MYO3B: variants seen among roughly 807,000 people sequenced by gnomAD.
The protein encoded by MYO3B is myosin-IIIb.
In MYO3B, 156 loss-of-function variants were observed where a neutral mutation model predicts 174.6. The ratio of observed to expected loss-of-function variants is 0.89; its 90% CI spans 0.78 to 1.02. The LOEUF is 1.02. MYO3B is among the 50% of genes least tolerant of loss of function. MYO3B has a pLI of 0.00. For missense variants in MYO3B, 1,632 were observed against 1,639.4 expected (o/e 1.00, Z 0.08); for synonymous variants, 563 against 569.1 (o/e 0.99, Z 0.15).
chr2:170,557,136 A>ATT (rs1449970557), intron 32 of MYO3B, among the ~76,000 whole-genome samples: 2 of 63,732 alleles, frequency 3.1e-5, no homozygotes, highest in African/African-American at 1.2e-4. Flanking sequence ...AGGGTTTTTT[A>ATT]TTTTTATTTT....
At chr2:170,571,164 G>A (rs1165095459) in intron 32 of MYO3B, among the ~76,000 whole-genome samples, 2 of 152,134 alleles carry the variant, frequency 1.3e-5, no homozygotes, top group African/African-American at 4.8e-5. Flanking sequence ...AGCAACTAAA[G>A]GATTTATTCA....
chr2:170,597,447 C>T (rs1482353567), intron 32 of MYO3B, among the ~76,000 whole-genome samples: 2 of 151,846 alleles, frequency 1.3e-5, no homozygotes, highest in Non-Finnish European at 2.9e-5. Flanking sequence ...AAGCAAGGAG[C>T]TGTGGAGGTT....
intron 23 of MYO3B, among the ~76,000 whole-genome samples, chr2:170,453,468 GAA>G (rs1683728425): frequency 6.9e-6 from 1 of 145,148 alleles, no homozygotes; most frequent in Non-Finnish European, 1.5e-5. Flanking sequence ...GAGAGAGAGA[GAA>G]AGAGAGAGCG....
At chr2:170,624,760 G>C (rs1407507283) in intron 32 of MYO3B, among the ~76,000 whole-genome samples, 1 of 152,128 alleles carries the variant, frequency 6.6e-6, no homozygotes, top group East Asian at 1.9e-4. Context: ...AATTTATTGA[G>C]AGTTTTTAGC....
intron 32 of MYO3B, chr2:170,602,118 G>T: frequency 8.2e-7 from 1 of 1,220,708 alleles, no homozygotes. Flanking sequence ...ACTCTGAGAA[G>T]TTGACTGAGG....
At chr2:170,314,729 C>A (rs2093762870) in intron 7 of MYO3B, among the ~76,000 whole-genome samples, 1 of 152,080 alleles carries the variant, frequency 6.6e-6, no homozygotes, top group Non-Finnish European at 1.5e-5. Context: ...CCTAATGAAA[C>A]AATAAGATTT....
At chr2:170,317,292 T>C (rs151333248) in intron 7 of MYO3B, among the ~76,000 whole-genome samples, 183 of 116,282 alleles carry the variant, frequency 1.6e-3, no homozygotes, top group African/African-American at 3.9e-3. Flanking sequence ...CATCTGTTGT[T>C]GACTACATAA....
chr2:170,447,733 C>T (rs1478043008), intron 23 of MYO3B, among the ~76,000 whole-genome samples: 7 of 152,156 alleles, frequency 4.6e-5, no homozygotes, highest in African/African-American at 9.7e-5. Context: ...ATGCTGGCTG[C>T]GCAGGAGACC....
At chr2:170,345,495 G>A (rs2094009020) in intron 8 of MYO3B, among the ~76,000 whole-genome samples, 1 of 152,010 alleles carries the variant, frequency 6.6e-6, no homozygotes, top group African/African-American at 2.4e-5. Context: ...TTTATTTTTA[G>A]TATGAAGGGC....
At position 170,514,914 on chromosome 2, in the gene MYO3B, T is replaced by C; in HGVS notation, c.3371-7T>C. ...CCTTGAGAAAGTCTTTTTGTTTCAT[T>C]CCACAGGGGACACTTCAAACCAAAG... is the stretch of plus-strand genomic sequence containing the variant. On this transcript the variant is annotated splice_polypyrimidine_tract_variant and splice_region_variant and intron_variant, in intron 28 of 34. Transcript: ENST00000408978. 2 of 1,611,778 alleles carry C rather than the reference T, an allele frequency of 1.2e-6. No individual in the cohort carries two copies. The highest frequency in any genetic ancestry group is 1.7e-6 in the Non-Finnish European group (2 of 1,178,804).
intron 16 of MYO3B, among the ~76,000 whole-genome samples, chr2:170,393,699 C>T (rs182748453): frequency 9.2e-5 from 14 of 152,248 alleles, no homozygotes; most frequent in Non-Finnish European, 1.9e-4. Flanking sequence ...TTGGCTAGCC[C>T]TTCCCTCCCC....
intron 6 of MYO3B, among the ~76,000 whole-genome samples, chr2:170,234,027 C>T (rs893717528): frequency 1.9e-4 from 28 of 151,302 alleles, no homozygotes; most frequent in Admixed American, 5.9e-4. Context: ...AAAAATTAGC[C>T]GGGCGTAGTG....
intron 7 of MYO3B, among the ~76,000 whole-genome samples, chr2:170,270,802 A>G (rs556809721): frequency 2.1e-4 from 32 of 152,284 alleles, no homozygotes; most frequent in African/African-American, 7.5e-4. Context: ...GGGAGCTACA[A>G]CCGATGGCTA....
At chr2:170,615,314 C>T (rs780075490) in intron 32 of MYO3B, among the ~76,000 whole-genome samples, 1 of 152,220 alleles carries the variant, frequency 6.6e-6, no homozygotes, top group Non-Finnish European at 1.5e-5. Flanking sequence ...CCTCATGGAG[C>T]TGACAATGGG....
intron 30 of MYO3B, among the ~76,000 whole-genome samples, chr2:170,539,594 C>T (rs1273388784): frequency 2.0e-5 from 3 of 150,168 alleles, no homozygotes; most frequent in Non-Finnish European, 4.4e-5. Context: ...ATGATTTTAT[C>T]AGCAATTAAT....
At chr2:170,610,340 CA>C (rs201605450) in intron 32 of MYO3B, among the ~76,000 whole-genome samples, 149 of 139,234 alleles carry the variant, frequency 1.1e-3, no homozygotes, top group Non-Finnish European at 9.9e-4. Context: ...GACTTTGTCT[CA>C]AAAAAAAAAA....
chr2:170,523,282 T>C (rs990171757), intron 30 of MYO3B, among the ~76,000 whole-genome samples: 1 of 152,212 alleles, frequency 6.6e-6, no homozygotes, highest in African/African-American at 2.4e-5. Flanking sequence ...GAAGTGTTTT[T>C]CTTGTCAGTC....
At chr2:170,415,592 A>G (rs921902679) in intron 22 of MYO3B, among the ~76,000 whole-genome samples, 6 of 152,236 alleles carry the variant, frequency 3.9e-5, no homozygotes, top group African/African-American at 1.4e-4. Flanking sequence ...TCAATAAATG[A>G]ATAGATAGAT....
At chr2:170,282,693 T>A (rs1397809894) in intron 7 of MYO3B, among the ~76,000 whole-genome samples, 6 of 152,262 alleles carry the variant, frequency 3.9e-5, no homozygotes, top group Non-Finnish European at 5.9e-5. Context: ...TTACTTTGAT[T>A]AGCATGATCA....
Sources: allele counts gnomAD v4.1 joint callset (sites outside exome capture counted in the v4.1 genomes callset), GRCh38; gene constraint gnomAD v4.1.1; transcripts MANE v1.5; gene names NCBI Gene and HGNC (gene_info 2026-07-23, HGNC 2026-07-21).